Variants in MNAT1 observed in about 807,000 individuals in gnomAD.
The protein encoded by MNAT1 is MNAT1 component of CDK activating kinase.
MNAT1 carries 43 observed loss-of-function variants against 42.0 expected under a neutral mutation model. That is an observed-to-expected ratio of 1.02 (90% CI 0.80 to 1.32). MNAT1 has a LOEUF of 1.32. MNAT1 is among the 40% of genes most tolerant of loss of function. MNAT1 has a pLI of 0.00. For missense variants in MNAT1, 306 were observed against 350.4 expected, an observed-to-expected ratio of 0.87 and a Z score of 1.01; for synonymous variants, 118 against 120.0, an observed-to-expected ratio of 0.98 and a Z score of 0.11.
intron 6 of MNAT1, among the ~76,000 whole-genome samples, chr14:60,865,630 G>A (rs551336185): frequency 3.9e-4 from 60 of 152,108 alleles, no homozygotes; most frequent in Non-Finnish European, 2.9e-5. Flanking sequence ...ACAAGCATCA[G>A]AGAAATAATG....
At chr14:60,840,935 G>A (rs976879057) in intron 6 of MNAT1, among the ~76,000 whole-genome samples, 1 of 152,144 alleles carries the variant, frequency 6.6e-6, no homozygotes, top group African/African-American at 2.4e-5. Flanking sequence ...AAGGTGCTGG[G>A]ATTACAGGCA....
chr14:60,960,631 A>G (rs1490627142), intron 7 of MNAT1, among the ~76,000 whole-genome samples: 1 of 151,900 alleles, frequency 6.6e-6, no homozygotes. Flanking sequence ...TTGCTTCTCC[A>G]GTTTTCTATT....
chr14:60,856,231 C>A (rs577803698), intron 6 of MNAT1, among the ~76,000 whole-genome samples: 1 of 152,330 alleles, frequency 6.6e-6, no homozygotes, highest in South Asian at 2.1e-4. Context: ...AAAAGTGCTG[C>A]TCTAGTGAAC....
intron 1 of MNAT1, among the ~76,000 whole-genome samples, chr14:60,783,019 C>T (rs141527164): frequency 1.9e-3 from 293 of 152,260 alleles, no homozygotes; most frequent in African/African-American, 6.9e-3. Context: ...CTTCATTAGA[C>T]GGATTTACTA....
intron 7 of MNAT1, among the ~76,000 whole-genome samples, chr14:60,959,502 A>T (rs1455556643): frequency 1.4e-5 from 2 of 139,000 alleles, no homozygotes; most frequent in African/African-American, 5.4e-5. Flanking sequence ...CTGCTCTTTC[A>T]TCCTGCTCTC....
At chr14:60,765,160 A>C (rs934323005) in intron 1 of MNAT1, among the ~76,000 whole-genome samples, 21 of 152,210 alleles carry the variant, frequency 1.4e-4, no homozygotes, top group African/African-American at 5.1e-4. Context: ...CTGAGACATG[A>C]GAATCACTTG....
intron 7 of MNAT1, among the ~76,000 whole-genome samples, chr14:60,885,948 T>C (rs1300914682): frequency 1.3e-5 from 2 of 152,026 alleles, no homozygotes; most frequent in East Asian, 3.9e-4. Flanking sequence ...TTTAATATGG[T>C]GTATGATAAG....
At chr14:60,899,702 T>TA (rs566762571) in intron 7 of MNAT1, among the ~76,000 whole-genome samples, 140 of 152,294 alleles carry the variant, frequency 9.2e-4, no homozygotes, top group African/African-American at 2.9e-3. Flanking sequence ...GCAAAGCAAT[T>TA]AAAAAATCTA....
chr14:60,792,561 G>C (rs2031862277), intron 1 of MNAT1, among the ~76,000 whole-genome samples: 1 of 152,114 alleles, frequency 6.6e-6, no homozygotes, highest in Non-Finnish European at 1.5e-5. Flanking sequence ...ACGAAGAATG[G>C]AAAGTGCTGA....
chr14:60,869,740 A>G (rs1238677307), intron 6 of MNAT1, among the ~76,000 whole-genome samples: 1 of 152,236 alleles, frequency 6.6e-6, no homozygotes, highest in East Asian at 1.9e-4. Context: ...CATGTTTAGT[A>G]TTTTTATTAT....
intron 1 of MNAT1, chr14:60,780,519 T>G: frequency 6.6e-7 from 1 of 1,526,572 alleles, no homozygotes; most frequent in Non-Finnish European, 9.1e-7. Flanking sequence ...TCTGAGGAAG[T>G]CTGCCTTTGT....
intron 7 of MNAT1, among the ~76,000 whole-genome samples, chr14:60,933,183 C>T (rs916778465): frequency 4.6e-5 from 7 of 151,938 alleles, no homozygotes; most frequent in African/African-American, 1.7e-4. Flanking sequence ...AAAGTCCGGT[C>T]CCTTAGAATC....
chr14:60,949,779 C>A (rs1290416366), intron 7 of MNAT1, among the ~76,000 whole-genome samples: 1 of 152,016 alleles, frequency 6.6e-6, no homozygotes, highest in Non-Finnish European at 1.5e-5. Context: ...TGATAGTGGG[C>A]ATAGATTATT....
chr14:60,767,029 C>G (rs1321381768), intron 1 of MNAT1, among the ~76,000 whole-genome samples: 1 of 152,120 alleles, frequency 6.6e-6, no homozygotes, highest in Admixed American at 6.5e-5. Flanking sequence ...TTGAGAGTTT[C>G]TGCTTTAATA....
At chr14:60,934,412 T>C (rs182068046) in intron 7 of MNAT1, among the ~76,000 whole-genome samples, 6 of 152,342 alleles carry the variant, frequency 3.9e-5, no homozygotes, top group Admixed American at 6.5e-5. Flanking sequence ...GGTTTGGCTG[T>C]GTCCGCACCC....
chr14:60,917,324 T>A (rs2035543689), intron 7 of MNAT1, among the ~76,000 whole-genome samples: 3 of 152,210 alleles, frequency 2.0e-5, no homozygotes, highest in Non-Finnish European at 4.4e-5. Flanking sequence ...TCATTCCTAT[T>A]TATTATCTAG....
At chr14:60,788,167 T>G (rs2031709949) in intron 1 of MNAT1, among the ~76,000 whole-genome samples, 1 of 152,180 alleles carries the variant, frequency 6.6e-6, no homozygotes, top group Non-Finnish European at 1.5e-5. Context: ...GGATGTTGTG[T>G]TAGCAGGCAT....
intron 7 of MNAT1, among the ~76,000 whole-genome samples, chr14:60,891,547 T>C (rs1476696088): frequency 1.1e-4 from 17 of 152,114 alleles, no homozygotes; most frequent in Admixed American, 1.1e-3. Context: ...GCCTCCCATA[T>C]TCAAGTGCTT....
At chr14:60,865,119 T>G (rs893355082) in intron 6 of MNAT1, among the ~76,000 whole-genome samples, 2 of 152,058 alleles carry the variant, frequency 1.3e-5, no homozygotes, top group African/African-American at 4.8e-5. Context: ...GAGTCAAATC[T>G]AAATAAAATG....
Sources: gnomAD v4.1 joint callset for allele counts (sites outside exome capture counted in the v4.1 genomes callset) on GRCh38, gnomAD v4.1.1 for gene constraint, MANE v1.5 for transcripts, NCBI Gene and HGNC (gene_info 2026-07-23, HGNC 2026-07-21) for gene names.